Variants in SCFD2 observed in about 807,000 individuals in gnomAD.
SCFD2 encodes the protein sec1 family domain-containing protein 2.
In SCFD2, 54 loss-of-function variants were observed where a neutral mutation model predicts 58.9. The ratio of observed to expected loss-of-function variants is 0.92; its 90% CI spans 0.74 to 1.15. The LOEUF (loss-of-function observed/expected upper bound fraction) is 1.15, where lower values mean the gene tolerates loss of function less well. Among genes scored for constraint, SCFD2 ranks in the 50% most tolerant of loss-of-function variants. The pLI is 0.00. For missense variants in SCFD2, 805 were observed against 836.6 expected (o/e 0.96, Z 0.47); for synonymous variants, 321 against 335.9 (o/e 0.96, Z 0.49).
intron 8 of SCFD2, among the ~76,000 whole-genome samples, chr4:52,878,530 A>G (rs1718534018): frequency 6.6e-6 from 1 of 152,232 alleles, no homozygotes; most frequent in African/African-American, 2.4e-5. Context: ...TTGAATTTTC[A>G]GAATTTTTAA....
chr4:53,227,923 A>T (rs1729276952), intron 4 of SCFD2, among the ~76,000 whole-genome samples: 3 of 152,220 alleles, frequency 2.0e-5, no homozygotes, highest in Non-Finnish European at 4.4e-5. Context: ...TTTTTAATTT[A>T]TATTTTCAAA....
At chr4:53,047,558 C>T (rs1450667304) in intron 5 of SCFD2, among the ~76,000 whole-genome samples, 1 of 152,234 alleles carries the variant, frequency 6.6e-6, no homozygotes, top group Non-Finnish European at 1.5e-5. Context: ...ATATCTTCCT[C>T]TCACCTGTAC....
At chr4:53,093,173 C>T (rs1724521354) in intron 5 of SCFD2, among the ~76,000 whole-genome samples, 1 of 152,032 alleles carries the variant, frequency 6.6e-6, no homozygotes, top group African/African-American at 2.4e-5. Flanking sequence ...TTTTTGCTGA[C>T]TGACCTAGGG....
chr4:53,019,753 C>T (rs1287946808), intron 5 of SCFD2, among the ~76,000 whole-genome samples: 2 of 152,144 alleles, frequency 1.3e-5, no homozygotes, highest in African/African-American at 2.4e-5. Context: ...AGCTTCCCAC[C>T]TTCATTTTCC....
intron 5 of SCFD2, among the ~76,000 whole-genome samples, chr4:53,093,341 T>G (rs1204743080): frequency 6.6e-6 from 1 of 152,126 alleles, no homozygotes; most frequent in Non-Finnish European, 1.5e-5. Flanking sequence ...GAATGAAATG[T>G]GTTAAGGCAA....
At chr4:53,261,383 C>T (rs1451763910) in intron 4 of SCFD2, among the ~76,000 whole-genome samples, 1 of 152,120 alleles carries the variant, frequency 6.6e-6, no homozygotes, top group Non-Finnish European at 1.5e-5. Context: ...TATAAACTTT[C>T]CTATTAGCAC....
At chr4:53,199,391 G>A (rs1248945105) in intron 4 of SCFD2, among the ~76,000 whole-genome samples, 3 of 152,102 alleles carry the variant, frequency 2.0e-5, no homozygotes, top group African/African-American at 7.2e-5. Context: ...ACTTTGGGTT[G>A]TGTAGTATAA....
At chr4:53,061,327 A>G (rs1352133131) in intron 5 of SCFD2, among the ~76,000 whole-genome samples, 1 of 152,116 alleles carries the variant, frequency 6.6e-6, no homozygotes, top group Non-Finnish European at 1.5e-5. Context: ...AGTCCTCACA[A>G]CAATGCTCGA....
At chr4:53,299,177 AAAG>A (rs1436222330) in intron 3 of SCFD2, among the ~76,000 whole-genome samples, 2 of 152,228 alleles carry the variant, frequency 1.3e-5, no homozygotes, top group East Asian at 1.9e-4. Flanking sequence ...AACCAATGGC[AAAG>A]AAGTTAAAAA....
intron 5 of SCFD2, among the ~76,000 whole-genome samples, chr4:53,030,428 CTT>C (rs949756886): frequency 1.4e-5 from 2 of 144,572 alleles, no homozygotes; most frequent in Non-Finnish European, 3.1e-5. Flanking sequence ...AAAATCTAGC[CTT>C]TTTTTTTTTT....
At chr4:53,067,758 G>C (rs1723704939) in intron 5 of SCFD2, among the ~76,000 whole-genome samples, 1 of 152,082 alleles carries the variant, frequency 6.6e-6, no homozygotes, top group South Asian at 2.1e-4. Context: ...TTTGTTTCTT[G>C]GGTATGTCTT....
At chr4:53,307,828 A>G (rs1440004800) in intron 3 of SCFD2, among the ~76,000 whole-genome samples, 1 of 152,178 alleles carries the variant, frequency 6.6e-6, no homozygotes, top group Non-Finnish European at 1.5e-5. Context: ...CTACCACAGG[A>G]AAAACTTGCC....
At chr4:53,157,778 A>G (rs1726733927) in intron 4 of SCFD2, among the ~76,000 whole-genome samples, 1 of 152,246 alleles carries the variant, frequency 6.6e-6, no homozygotes. Context: ...AATCCTAAAA[A>G]GAAAGCTCAT....
chr4:53,014,419 C>T (rs771173666), intron 5 of SCFD2, among the ~76,000 whole-genome samples: 14 of 152,224 alleles, frequency 9.2e-5, no homozygotes, highest in Non-Finnish European at 2.1e-4. Flanking sequence ...TCCAAGTTGA[C>T]ATTTTTAAGT....
intron 8 of SCFD2, among the ~76,000 whole-genome samples, chr4:52,883,393 G>A (rs899152455): frequency 9.8e-5 from 15 of 152,324 alleles, no homozygotes; most frequent in Admixed American, 9.1e-4. Context: ...CCTGCTGCCT[G>A]AGGAATCTTC....
At chr4:53,265,407 G>A (rs1443648402) in intron 4 of SCFD2, 1 of 152,128 alleles carries the variant, frequency 6.6e-6, no homozygotes, top group Non-Finnish European at 1.5e-5. Context: ...AAAAAATATA[G>A]TGGGTTTGCT....
intron 5 of SCFD2, among the ~76,000 whole-genome samples, chr4:53,022,357 G>A (rs1722370366): frequency 6.6e-6 from 1 of 152,098 alleles, no homozygotes; most frequent in African/African-American, 2.4e-5. Context: ...CCCCCATCTA[G>A]GGCCTCTAAG....
At chr4:53,305,954 ATTTATT>A (rs1416990129) in intron 3 of SCFD2, among the ~76,000 whole-genome samples, 1 of 152,206 alleles carries the variant, frequency 6.6e-6, no homozygotes, top group African/African-American at 2.4e-5. Flanking sequence ...TCAAGAATTT[ATTTATT>A]AATTCCGTAA....
intron 5 of SCFD2, among the ~76,000 whole-genome samples, chr4:52,971,783 A>T (rs1256172889): frequency 8.5e-5 from 13 of 152,334 alleles, no homozygotes; most frequent in African/African-American, 3.1e-4. Context: ...CGGGTTACCC[A>T]CAAAGGGAAG....
Sources: allele counts gnomAD v4.1 joint callset (sites outside exome capture counted in the v4.1 genomes callset), GRCh38; gene constraint gnomAD v4.1.1; transcripts MANE v1.5; gene names NCBI Gene and HGNC (gene_info 2026-07-23, HGNC 2026-07-21).